RGPD4: variants seen among roughly 807,000 people sequenced by gnomAD.
RGPD4 encodes RANBP2 like and GRIP domain containing 4, also known as ranBP2-like and GRIP domain-containing protein 4.
Under a neutral mutation model 141.1 loss-of-function variants are expected in RGPD4, and 84 were observed. That is an observed-to-expected ratio of 0.60 (90% CI 0.50 to 0.71). The LOEUF (loss-of-function observed/expected upper bound fraction) is 0.71, where lower values mean the gene tolerates loss of function less well. Ranked by LOEUF, RGPD4 falls within the 30% of genes least tolerant of loss-of-function variation. The probability of loss-of-function intolerance (pLI) is 0.00; values close to 1 mark genes in which losing one functional copy is unlikely to be tolerated. For missense variants in RGPD4, 918 were observed against 1,622.4 expected (o/e 0.57, Z 7.46); for synonymous variants, 298 against 566.8 (o/e 0.53, Z 6.74).
intron 21 of RGPD4, 42 bp downstream of exon 21, chr2:107,880,149 G>T (rs777220695): frequency 1.2e-6 from 2 of 1,609,440 alleles, no homozygotes; most frequent in Admixed American, 3.3e-5. Flanking sequence ...CTGCCAATTT[G>T]GTTTTCTGGA....
At chr2:107,829,849 G>A (rs1369672201) in intron 1 of RGPD4, among the ~76,000 whole-genome samples, 2 of 152,000 alleles carry the variant, frequency 1.3e-5, no homozygotes, top group African/African-American at 2.4e-5. Flanking sequence ...TTAGGCACCC[G>A]GGTGCTGTAT....
chr2:107,829,934 G>A (rs1315026278), intron 1 of RGPD4, among the ~76,000 whole-genome samples: 1 of 152,058 alleles, frequency 6.6e-6, no homozygotes, highest in Non-Finnish European at 1.5e-5. Context: ...TGGCCTGGAG[G>A]AACCCAGTGG....
intron 7 of RGPD4, among the ~76,000 whole-genome samples, chr2:107,849,514 C>G (rs1206019392): frequency 1.4e-5 from 1 of 73,966 alleles, no homozygotes; most frequent in African/African-American, 5.6e-5. Flanking sequence ...CTACAGGCAC[C>G]CGCCACCACA....
At position 107,838,604 on chromosome 2, in the gene RGPD4, A is replaced by C. The variant is rs1307199016; in HGVS notation, c.253-208A>C. Among the ~76,000 whole-genome samples, 54 of 71,382 alleles carry C rather than the reference A, an allele frequency of 7.6e-4. 23 individuals carry two copies. Among genetic ancestry groups the C allele is most frequent in the Non-Finnish European group, 1.2e-3 (37 of 31,736 alleles). The allele number at this position is 71,382 out of a possible 152,430, so 46.8% of individuals were successfully genotyped here. ...TGTTTTTTGCATTCAAATGACACAA[A>C]TATAATTTTTATTTGGTTCATTTCC... On this transcript the variant is annotated intron_variant, in intron 3 of 22. Transcript: ENST00000408999.
At chr2:107,849,356 C>A (rs1682052363) in intron 7 of RGPD4, among the ~76,000 whole-genome samples, 1 of 66,394 alleles carries the variant, frequency 1.5e-5, no homozygotes, top group African/African-American at 7.2e-5. Context: ...GCCTGGCGCG[C>A]CTGGCCTTTT....
At chr2:107,854,004 C>T in intron 7 of RGPD4, among the ~76,000 whole-genome samples, 1 of 146,836 alleles carries the variant, frequency 6.8e-6, no homozygotes, top group Non-Finnish European at 1.5e-5. Flanking sequence ...CCACCTTGGC[C>T]TCCCAAAGTG....
Position 107,863,188 on chromosome 2 carries a change from G to A in RGPD4, c.2469+156G>A, listed in dbSNP as rs1245921950. ...GGTCTTTTTTTTTTTTTTTTTTAAG[G>A]CAGGGTCTTGTTGTGCAGGCTGGAG... On this transcript the variant is annotated intron_variant, in intron 17 of 22. Transcript: ENST00000408999. Among the ~76,000 whole-genome samples the A allele has an allele frequency of 6.1e-3, 441 of 72,262 alleles. 3 individuals are homozygous for A. Among genetic ancestry groups the A allele is most frequent in the African/African-American group, 0.026 (414 of 16,082 alleles). 47.4% of individuals were successfully genotyped at this position (72,262 alleles called of 152,430 possible).
intron 1 of RGPD4, 87 bp downstream of exon 1, chr2:107,827,172 A>G: frequency 1.2e-5 from 5 of 432,428 alleles, no homozygotes; most frequent in Non-Finnish European, 1.6e-5. Context: ...TCGATGGCTC[A>G]GGCGTCATGG....
At chr2:107,846,222 G>A (rs531640383) in intron 6 of RGPD4, among the ~76,000 whole-genome samples, 47 of 150,352 alleles carry the variant, frequency 3.1e-4, no homozygotes, top group African/African-American at 8.1e-4. Context: ...CACCGCGCCC[G>A]GCTGGTCTCG....
intron 18 of RGPD4, among the ~76,000 whole-genome samples, chr2:107,867,332 C>T (rs1183261855): frequency 6.6e-6 from 1 of 152,124 alleles, no homozygotes. Context: ...TAGATGAGCA[C>T]ATTTGTGTGA....
intron 6 of RGPD4, among the ~76,000 whole-genome samples, chr2:107,845,793 T>C (rs1681909863): frequency 6.6e-6 from 1 of 152,082 alleles, no homozygotes; most frequent in African/African-American, 2.4e-5. Flanking sequence ...CTCGATCTCC[T>C]GACCTCGTGA....
chr2:107,888,158 C>G (rs374182061), intron 22 of RGPD4, among the ~76,000 whole-genome samples: 2,219 of 148,534 alleles, frequency 0.015, 59 homozygotes, highest in African/African-American at 0.053. Flanking sequence ...GATATAGAAC[C>G]TTATCAGAAA....
At chr2:107,890,423 C>T (rs1228222361) in intron 22 of RGPD4, among the ~76,000 whole-genome samples, 2 of 140,602 alleles carry the variant, frequency 1.4e-5, no homozygotes, top group Non-Finnish European at 1.5e-5. Context: ...TGGCACACAC[C>T]TTGTGGTCCC....
chr2:107,882,710 A>G lies in RGPD4; in HGVS notation c.5103A>G (p.Gln1701=). The G allele has an allele frequency of 6.2e-7, 1 of 1,611,652 alleles. No individual in the cohort carries two copies. The highest frequency in any genetic ancestry group is 8.5e-7 in the Non-Finnish European group (1 of 1,179,858). Residue 1701 remains glutamine (Q), a synonymous_variant, in exon 22 of 23, where the codon CAA becomes CAG. Coordinates refer to ENST00000408999, the MANE Select transcript of RGPD4 (RefSeq NM_182588.3). Reference sequence around the variant, plus strand: ...AAATAAGAAGATTGGAAAGGAATCAAGAGCAAGAGGAGTCTGCAGCTAACG... The same window carrying G: ...AAATAAGAAGATTGGAAAGGAATCAGGAGCAAGAGGAGTCTGCAGCTAACG... The part of the protein sequence containing the change: ...KSEIRRLERN[Q]EQEESAANVE...
chr2:107,872,802 A>T lies in RGPD4; in HGVS notation c.4798A>T (p.Lys1600Ter). ...QSGSESKVEPKKCELSKNSDI... is the reference protein window; with the variant it reads ...QSGSESKVEP ...TGGATCTGAAAGCAAAGTGGAACCT[A>T]AAAAATGTGAACTGTCAAAGAACTC... Residue 1600 changes from lysine to a stop codon, truncating the protein, a stop_gained, in exon 20 of 23, where the codon AAA (lysine) becomes TAA (stop). Coordinates refer to ENST00000408999, the MANE Select transcript of RGPD4 (RefSeq NM_182588.3). LOFTEE classifies it high-confidence loss of function. 1 of 1,610,532 alleles carries T rather than the reference A, an allele frequency of 6.2e-7. No homozygotes were observed. Among genetic ancestry groups the T allele is most frequent in the Non-Finnish European group, 8.5e-7 (1 of 1,179,686 alleles).
intron 22 of RGPD4, among the ~76,000 whole-genome samples, chr2:107,884,457 A>T (rs1489822934): frequency 6.7e-6 from 1 of 149,854 alleles, no homozygotes; most frequent in Non-Finnish European, 1.5e-5. Flanking sequence ...TTAATGTGCC[A>T]CTTATTAATT....
intron 21 of RGPD4, among the ~76,000 whole-genome samples, chr2:107,881,478 C>T (rs945675179): frequency 4.6e-5 from 7 of 151,702 alleles, no homozygotes; most frequent in African/African-American, 1.7e-4. Flanking sequence ...CCACCATGCC[C>T]GGCTAATTTT....
chr2:107,875,497 G>A (rs1039747523), intron 20 of RGPD4, among the ~76,000 whole-genome samples: 21 of 140,744 alleles, frequency 1.5e-4, no homozygotes, highest in Non-Finnish European at 3.0e-4. Flanking sequence ...CCTGTCACCA[G>A]TTGGTATACA....
chr2:107,871,299 C>G lies in RGPD4; in HGVS notation c.3295C>G (p.Leu1099Val), dbSNP rs778158806. ...CGAGGTCAATGGCAAACCAAGAATG[C>G]TGATGCGAAGAGAACAAGTACTAAA... is the stretch of plus-strand genomic sequence containing the variant. Reference protein sequence around the residue: ...KNEVNGKPRMLMRREQVLKVC... With the variant: ...KNEVNGKPRMVMRREQVLKVC... The change falls in exon 20 of 23, where the codon CTG becomes GTG. Residue 1099 changes from leucine (L) to valine (V), a missense_variant. Physicochemically the swap from Leu to Val is conservative, Grantham distance 32 (BLOSUM62 1). Coordinates refer to ENST00000408999, the MANE Select transcript of RGPD4 (RefSeq NM_182588.3). 5 of 1,605,918 alleles carry G rather than the reference C, an allele frequency of 3.1e-6. No individual in the cohort carries two copies. In the African/African-American group the frequency reaches 7.0e-5, roughly 22 times the overall value.
Sources: gnomAD v4.1 joint callset for allele counts (sites outside exome capture counted in the v4.1 genomes callset) on GRCh38, gnomAD v4.1.1 for gene constraint, MANE v1.5 for transcripts, NCBI Gene and HGNC (gene_info 2026-07-23, HGNC 2026-07-21) for gene names.